The following MERTK variants were observed in gnomAD, a reference collection of about 807,000 sequenced individuals.
MERTK encodes the protein tyrosine-protein kinase Mer.
MERTK carries 69 observed loss-of-function variants against 99.3 expected under a neutral mutation model. The ratio of observed to expected loss-of-function variants is 0.70; its 90% confidence interval spans 0.57 to 0.85. The LOEUF is 0.85. Among genes scored for constraint, MERTK ranks in the 40% least tolerant of loss-of-function variants. MERTK has a pLI of 0.00. For synonymous variants in MERTK, 426 were observed against 467.6 expected (o/e 0.91, Z 1.15); for missense variants, 1,125 against 1,249.4 (o/e 0.90, Z 1.50).
intron 2 of MERTK, among the ~76,000 whole-genome samples, chr2:111,942,464 C>G (rs1227145039): frequency 6.6e-6 from 1 of 152,140 alleles, no homozygotes; most frequent in Non-Finnish European, 1.5e-5. Context: ...CATCTTTCTT[C>G]AGCCCTTCCT....
intron 10 of MERTK, 127 bp from the exon 11 acceptor site, chr2:112,001,074 A>G (rs756765413): frequency 4.1e-6 from 3 of 737,170 alleles, no homozygotes; most frequent in Admixed American, 2.2e-5. Flanking sequence ...CGTTTCTTCT[A>G]GGGGGAAAGC....
At chr2:112,025,908 T>C (rs567702322) in intron 18 of MERTK, among the ~76,000 whole-genome samples, 5 of 152,232 alleles carry the variant, frequency 3.3e-5, no homozygotes, top group Non-Finnish European at 5.9e-5. Flanking sequence ...TCCAAAACTC[T>C]TCTTATCTTG....
chr2:111,958,168 C>G (rs1685183847), intron 4 of MERTK, among the ~76,000 whole-genome samples: 1 of 152,088 alleles, frequency 6.6e-6, no homozygotes, highest in South Asian at 2.1e-4. Flanking sequence ...GGTTCCAGTG[C>G]CCGGGGCCAT....
Position 111,929,429 on chromosome 2 carries a change from A to G in MERTK, c.371A>G (p.Gln124Arg). The change falls in exon 2 of 19, where the codon CAG (glutamine) becomes CGG (arginine). Residue 124 changes from glutamine to arginine, a missense_variant. Physicochemically the swap from Gln to Arg is conservative, Grantham distance 43. Transcript: ENST00000295408. ...TCAATCAGTGTACCTAATATATACCAGGACACCACAATTTCTTGGTGGAAA... is the reference window on the plus strand; with the variant it reads ...TCAATCAGTGTACCTAATATATACCGGGACACCACAATTTCTTGGTGGAAA... ...NCSISVPNIY[Q>R]DTTISWWKDG... is the part of the protein sequence containing the mutation. 6.2e-7 allele frequency: 1 copy of G among 1,614,126 alleles called. No individual in the cohort carries two copies. Among genetic ancestry groups the G allele is most frequent in the East Asian group, 2.2e-5 (1 of 44,880 alleles).
intron 1 of MERTK, among the ~76,000 whole-genome samples, chr2:111,928,592 TCTC>T (rs1227082812): frequency 6.6e-6 from 1 of 152,202 alleles, no homozygotes; most frequent in Non-Finnish European, 1.5e-5. Context: ...TTCAAGCTGT[TCTC>T]CTGCTTCAAC....
intron 1 of MERTK, among the ~76,000 whole-genome samples, chr2:111,901,715 C>T (rs1220594519): frequency 2.0e-5 from 3 of 151,898 alleles, no homozygotes; most frequent in Admixed American, 2.0e-4. Flanking sequence ...ACCACCATGC[C>T]TGGCTAATTT....
chr2:111,910,517 G>T (rs1359523504), intron 1 of MERTK, among the ~76,000 whole-genome samples: 1 of 151,316 alleles, frequency 6.6e-6, no homozygotes, highest in African/African-American at 2.4e-5. Context: ...TGATCCACCC[G>T]CCTCAGTCTC....
intron 4 of MERTK, among the ~76,000 whole-genome samples, chr2:111,953,324 G>A (rs1030303989): frequency 1.3e-5 from 2 of 152,140 alleles, no homozygotes; most frequent in African/African-American, 4.8e-5. Flanking sequence ...AAATCAATAC[G>A]CAGTATACCG....
chr2:111,973,170 T>C (rs1320284944), intron 6 of MERTK, among the ~76,000 whole-genome samples: 1 of 152,132 alleles, frequency 6.6e-6, no homozygotes. Context: ...AGAAACTCTG[T>C]TTTCCTCTAG....
intron 6 of MERTK, among the ~76,000 whole-genome samples, chr2:111,970,684 TCCTCCCTCCTCCTCCTTCCA>T (rs1456585729): frequency 2.0e-5 from 3 of 148,624 alleles, no homozygotes; most frequent in African/African-American, 7.4e-5. Context: ...CTTCTCCTCC[TCCTCCCTCCTCCTCCTTCCA>T]CCTCCCTCCT....
At chr2:112,010,138 T>C (rs760878927) in intron 15 of MERTK, 72 bp downstream of exon 15, 6 of 1,140,066 alleles carry the variant, frequency 5.3e-6, no homozygotes, top group Non-Finnish European at 8.0e-6. Context: ...AACCAAATCA[T>C]CTAATCTTGA....
At chr2:111,983,736 C>G (rs938197195) in intron 8 of MERTK, among the ~76,000 whole-genome samples, 2 of 152,210 alleles carry the variant, frequency 1.3e-5, no homozygotes, top group African/African-American at 4.8e-5. Flanking sequence ...AGCTGATCCT[C>G]TGTGCAGTTG....
intron 18 of MERTK, 138 bp downstream of exon 18, chr2:112,022,532 C>T: frequency 7.9e-7 from 1 of 1,267,328 alleles, no homozygotes; most frequent in East Asian, 2.3e-5. Context: ...GGGTGGAACC[C>T]ACAGACACCC....
chr2:111,906,064 C>T (rs546667335), intron 1 of MERTK, among the ~76,000 whole-genome samples: 1 of 75,108 alleles, frequency 1.3e-5, no homozygotes, highest in Non-Finnish European at 2.7e-5. Flanking sequence ...GTATGTTTCT[C>T]CTTGTACTCT....
chr2:111,973,960 G>C (rs1207113110), intron 6 of MERTK, among the ~76,000 whole-genome samples: 2 of 148,112 alleles, frequency 1.4e-5, no homozygotes, highest in Non-Finnish European at 3.0e-5. Context: ...TCTGAAGGAG[G>C]GGCAAATGAC....
chr2:111,993,384 G>A (rs541642855), intron 8 of MERTK, among the ~76,000 whole-genome samples: 37 of 152,140 alleles, frequency 2.4e-4, no homozygotes, highest in Non-Finnish European at 3.8e-4. Context: ...CACTGCCTTT[G>A]CTGTTCATTG....
chr2:111,951,162 G>T (rs912873349), intron 4 of MERTK, among the ~76,000 whole-genome samples: 1 of 151,876 alleles, frequency 6.6e-6, no homozygotes, highest in African/African-American at 2.4e-5. Context: ...GGAGGCGACA[G>T]GGGAGGGCAT....
chr2:111,968,611 G>T (rs181527228), intron 6 of MERTK, among the ~76,000 whole-genome samples: 1 of 151,918 alleles, frequency 6.6e-6, no homozygotes, highest in Non-Finnish European at 1.5e-5. Context: ...CCGGCTCACC[G>T]CAAACTCCAC....
chr2:111,926,651 T>G (rs1684573940), intron 1 of MERTK, among the ~76,000 whole-genome samples: 1 of 152,118 alleles, frequency 6.6e-6, no homozygotes, highest in Non-Finnish European at 1.5e-5. Flanking sequence ...CACTTGAACC[T>G]GGGAGGCAGA....
Sources: allele counts gnomAD v4.1 joint callset (sites outside exome capture counted in the v4.1 genomes callset), GRCh38; gene constraint gnomAD v4.1.1; transcripts MANE v1.5; gene names NCBI Gene and HGNC (gene_info 2026-07-23, HGNC 2026-07-21).